The following FAF1 variants were observed in gnomAD, a reference collection of about 807,000 sequenced individuals.
The protein encoded by FAF1 is Fas associated factor 1.
FAF1 carries 25 observed loss-of-function variants against 92.5 expected under a neutral mutation model. The ratio of observed to expected loss-of-function variants is 0.27; its 90% CI spans 0.20 to 0.38. The LOEUF is 0.38. Among genes scored for constraint, FAF1 ranks in the 10% least tolerant of loss-of-function variants. The pLI is 1.00. For missense variants in FAF1, 636 were observed against 793.3 expected, an observed-to-expected ratio of 0.80 and a Z score of 2.38; for synonymous variants, 234 against 273.2, an observed-to-expected ratio of 0.86 and a Z score of 1.42.
chr1:50,683,143 G>A (rs865888958), intron 7 of FAF1, among the ~76,000 whole-genome samples: 11 of 152,208 alleles, frequency 7.2e-5, no homozygotes, highest in South Asian at 2.1e-4. Flanking sequence ...ACATAGGATG[G>A]TTAGAAAAAC....
At chr1:50,808,131 C>G (rs553636517) in intron 2 of FAF1, among the ~76,000 whole-genome samples, 71 of 152,120 alleles carry the variant, frequency 4.7e-4, no homozygotes, top group African/African-American at 1.7e-3. Flanking sequence ...AAATTCCAAC[C>G]AAGAATTCCA....
chr1:50,474,454 A>G (rs139480445), intron 18 of FAF1, among the ~76,000 whole-genome samples: 217 of 151,656 alleles, frequency 1.4e-3, no homozygotes, highest in African/African-American at 5.2e-3. Flanking sequence ...GGGAACAGGT[A>G]TTTGGTTACA....
chr1:50,863,593 T>C (rs1644453716), intron 1 of FAF1, among the ~76,000 whole-genome samples: 1 of 152,014 alleles, frequency 6.6e-6, no homozygotes, highest in South Asian at 2.1e-4. Context: ...TTTGAAAAGA[T>C]GAACAAAATT....
At chr1:50,490,466 G>GAAGGAAGGAA in intron 17 of FAF1, 122 bp downstream of exon 17, 1 of 589,454 alleles carries the variant, frequency 1.7e-6, no homozygotes, top group Admixed American at 2.6e-5. Context: ...GAAGGAAAAA[G>GAAGGAAGGAA]AAAGAAGGAA....
intron 8 of FAF1, among the ~76,000 whole-genome samples, chr1:50,597,600 A>G (rs1420580216): frequency 1.3e-5 from 2 of 152,128 alleles, no homozygotes; most frequent in Admixed American, 1.3e-4. Flanking sequence ...TCAACACAAA[A>G]AGTTTATGCA....
At position 50,819,778 on chromosome 1, in the gene FAF1, C is replaced by CAT. The variant is rs1280493582; in HGVS notation, c.115-18103_115-18102dup. ...ATATATATATACGTATATATATATA[C>CAT]ATATATATACATATATATATATACA... On this transcript the variant is annotated intron_variant, in intron 2 of 18. Coordinates refer to ENST00000396153, the MANE Select transcript of FAF1 (RefSeq NM_007051.3). Among the ~76,000 whole-genome samples, 48 of 30,442 alleles carry CAT rather than the reference C, an allele frequency of 1.6e-3. 4 individuals are homozygous for CAT. The highest frequency in any genetic ancestry group is 0.011 in the South Asian group (11 of 968). 20.0% of individuals were successfully genotyped at this position (30,442 alleles called of 152,430 possible). A position where few individuals can be genotyped will look rare whatever the true frequency, so the allele number is the denominator to read the frequency against.
chr1:50,570,966 G>C (rs1163546179), intron 12 of FAF1, among the ~76,000 whole-genome samples: 3 of 152,118 alleles, frequency 2.0e-5, no homozygotes, highest in African/African-American at 7.2e-5. Context: ...CACAGAAAAC[G>C]AGTAAGAAAA....
chr1:50,914,662 C>T (rs895212457), intron 1 of FAF1, among the ~76,000 whole-genome samples: 1 of 152,158 alleles, frequency 6.6e-6, no homozygotes, highest in Non-Finnish European at 1.5e-5. Context: ...CTACTATTTG[C>T]CTTATAATGT....
intron 2 of FAF1, among the ~76,000 whole-genome samples, chr1:50,844,216 T>A (rs1003651664): frequency 6.6e-6 from 1 of 152,218 alleles, no homozygotes; most frequent in African/African-American, 2.4e-5. Context: ...GCCCATTTTT[T>A]AAATCATAGT....
chr1:50,831,303 T>A (rs1326638289), intron 2 of FAF1, among the ~76,000 whole-genome samples: 3 of 152,322 alleles, frequency 2.0e-5, no homozygotes, highest in East Asian at 3.9e-4. Context: ...GTCTTTACAC[T>A]TGATATTAGC....
chr1:50,724,268 TATAC>T (rs1658534437), intron 6 of FAF1, among the ~76,000 whole-genome samples: 1 of 126,826 alleles, frequency 7.9e-6, no homozygotes, highest in African/African-American at 3.5e-5. Flanking sequence ...ACCATATATA[TATAC>T]ATATACACAC....
At chr1:50,799,190 G>C (rs1341327102) in intron 3 of FAF1, among the ~76,000 whole-genome samples, 2 of 152,204 alleles carry the variant, frequency 1.3e-5, no homozygotes, top group South Asian at 4.1e-4. Context: ...AGAGGATAGA[G>C]CATGGCTTTT....
At position 50,475,622 on chromosome 1, in the gene FAF1, C is replaced by G; in HGVS notation, c.1711G>C (p.Glu571Gln). The change falls in exon 18 of 19, where the codon GAG (glutamate) becomes CAG (glutamine). Residue 571 changes from glutamate to glutamine, a missense_variant. By Grantham distance (29) the Glu-to-Gln change is conservative. Around this residue, in one of 2 missense-constraint regions of FAF1, gnomAD observed 319 missense variants for 451.0 expected, o/e 0.71. Transcript: ENST00000396153. Reference protein sequence around the residue: ...LPPEPKEENAEPVSKLRIRTP... With the variant: ...LPPEPKEENAQPVSKLRIRTP... ...CGGATCCGCAGTTTGCTCACAGGCT[C>G]AGCATTTTCTTCCTTTGGCTCAGGA... The G allele has an allele frequency of 1.9e-6, 3 of 1,614,088 alleles. No homozygotes were observed. Among genetic ancestry groups the G allele is most frequent in the Non-Finnish European group, 2.5e-6 (3 of 1,179,994 alleles).
At chr1:50,731,737 A>G (rs1166723366) in intron 6 of FAF1, among the ~76,000 whole-genome samples, 1 of 152,124 alleles carries the variant, frequency 6.6e-6, no homozygotes, top group Non-Finnish European at 1.5e-5. Context: ...GGCTGTATCC[A>G]CAGTTTTAGT....
Position 50,891,745 on chromosome 1 carries a change from G to A in FAF1, c.46-33748C>T, listed in dbSNP as rs114255012. ...TTTCGTCTCAGAGAGGTACCCAGCCGTGTGAGGTGTCAGTCTGCCCCTACT... is the reference window on the plus strand; with the variant it reads ...TTTCGTCTCAGAGAGGTACCCAGCCATGTGAGGTGTCAGTCTGCCCCTACT... On this transcript the variant is annotated intron_variant, in intron 1 of 18. Transcript: ENST00000396153. Among the ~76,000 whole-genome samples the A allele has an allele frequency of 8.4e-3, 1,273 of 152,298 alleles. 14 individuals carry two copies. The highest frequency in any genetic ancestry group is 0.027 in the African/African-American group (1,134 of 41,564).
At chr1:50,479,184 G>A (rs777815945) in intron 17 of FAF1, among the ~76,000 whole-genome samples, 12 of 151,556 alleles carry the variant, frequency 7.9e-5, no homozygotes, top group Non-Finnish European at 1.8e-4. Context: ...GAATAGAGCC[G>A]ATAACATCTT....
At chr1:50,865,925 TC>T (rs911846295) in intron 1 of FAF1, among the ~76,000 whole-genome samples, 1 of 146,330 alleles carries the variant, frequency 6.8e-6, no homozygotes. Context: ...CCAACTAAGC[TC>T]AATTACAAAT....
At position 50,801,676 on chromosome 1, in the gene FAF1, G is replaced by C. The variant is rs749115155; in HGVS notation, c.116C>G (p.Ala39Gly). The change falls in exon 3 of 19, where the codon GCA becomes GGA. Residue 39 changes from alanine (A) to glycine (G), a missense_variant and splice_region_variant. Physicochemically the swap from Ala to Gly is moderately conservative, Grantham distance 60 (BLOSUM62 0). This residue lies in a region of FAF1 where 317 missense variants were observed against 342.4 expected (regional missense o/e 0.93). Coordinates refer to ENST00000396153, the MANE Select transcript of FAF1 (RefSeq NM_007051.3). Reference protein sequence around the residue: ...LLEQNNWDLVAAINGVIPQEN... With the variant: ...LLEQNNWDLVGAINGVIPQEN... Reference sequence around the variant, plus strand: ...CTGTGGTATTACACCATTGATAGCTGCCTGCAAACAAGAAACAGAGAAGGC... The same window carrying C: ...CTGTGGTATTACACCATTGATAGCTCCCTGCAAACAAGAAACAGAGAAGGC... The C allele has an allele frequency of 1.3e-6, 2 of 1,587,376 alleles. No homozygotes were observed. Among genetic ancestry groups the C allele is most frequent in the East Asian group, 4.5e-5 (2 of 44,664 alleles).
chr1:50,454,215 C>A (rs1646326408), intron 18 of FAF1, among the ~76,000 whole-genome samples: 1 of 152,212 alleles, frequency 6.6e-6, no homozygotes, highest in South Asian at 2.1e-4. Flanking sequence ...TAAATATTAT[C>A]CTCTCATAGA....
Sources: allele counts gnomAD v4.1 joint callset (sites outside exome capture counted in the v4.1 genomes callset), GRCh38; gene constraint gnomAD v4.1.1; regional missense constraint gnomAD v4.1.1; transcripts MANE v1.5; gene names NCBI Gene and HGNC (gene_info 2026-07-23, HGNC 2026-07-21).